Variants in KIRREL1 observed in about 807,000 individuals in gnomAD.
KIRREL1 encodes the protein kirre like nephrin family adhesion molecule 1.
Under a neutral mutation model 83.3 loss-of-function variants are expected in KIRREL1, and 25 were observed. The observed-to-expected ratio is 0.30, with a 90% confidence interval of 0.22 to 0.42. The LOEUF is 0.42. KIRREL1 is among the 10% of genes least tolerant of loss of function. The pLI is 1.00. For missense variants in KIRREL1, 812 were observed against 1,032.3 expected, an observed-to-expected ratio of 0.79 and a Z score of 2.92; for synonymous variants, 388 against 410.4, an observed-to-expected ratio of 0.95 and a Z score of 0.66.
chr1:158,066,271 A>G (rs148075069), intron 1 of KIRREL1, among the ~76,000 whole-genome samples: 2 of 151,290 alleles, frequency 1.3e-5, no homozygotes, highest in Non-Finnish European at 2.9e-5. Flanking sequence ...TTTCCTACCT[A>G]CCTCCAGTCA....
chr1:158,039,195 C>T (rs191056765), intron 1 of KIRREL1, among the ~76,000 whole-genome samples: 2 of 152,308 alleles, frequency 1.3e-5, no homozygotes, highest in Admixed American at 1.3e-4. Flanking sequence ...TCATAAATGC[C>T]TGGACTTTGC....
intron 1 of KIRREL1, among the ~76,000 whole-genome samples, chr1:158,059,700 G>A (rs868520390): frequency 6.6e-6 from 1 of 152,144 alleles, no homozygotes; most frequent in South Asian, 2.1e-4. Flanking sequence ...AGGCAGGGGT[G>A]GGGGCTCAGG....
chr1:158,027,301 C>T (rs1660200851), intron 1 of KIRREL1, among the ~76,000 whole-genome samples: 1 of 152,216 alleles, frequency 6.6e-6, no homozygotes. Context: ...GAATGTGGAG[C>T]TTCCATGCCT....
Position 158,097,165 on chromosome 1 carries a change from G to A in KIRREL1, c.*2045G>A, listed in dbSNP as rs2101653187. 2.3e-6 allele frequency: 1 copy of A among 432,222 alleles called. No individual in the cohort carries two copies. The highest frequency in any genetic ancestry group is 2.0e-5 in the African/African-American group (1 of 49,450). 26.8% of individuals were successfully genotyped at this position (432,222 alleles called of 1,614,324 possible). ...CCCTGGAAGCTGATACCTTTCTATA[G>A]AGTCCTTTTATGAGAGCTCAGTGGG... On this transcript the variant is annotated 3_prime_UTR_variant, in exon 15 of 15. Coordinates refer to ENST00000359209, the MANE Select transcript of KIRREL1 (RefSeq NM_018240.7).
At chr1:158,021,068 C>T (rs183030384) in intron 1 of KIRREL1, among the ~76,000 whole-genome samples, 4 of 152,104 alleles carry the variant, frequency 2.6e-5, no homozygotes, top group Non-Finnish European at 4.4e-5. Flanking sequence ...ATGGTCCCAC[C>T]CTCAGCAGCA....
chr1:158,100,027 AT>A lies in KIRREL1; in HGVS notation c.*4908del, dbSNP rs1325157295. The A allele has an allele frequency of 6.6e-6, 1 of 152,290 alleles. No individual in the cohort carries two copies. Among genetic ancestry groups the A allele is most frequent in the East Asian group, 1.9e-4 (1 of 5,186 alleles). The allele number at this position is 152,290 out of a possible 1,614,324, so 9.4% of individuals were successfully genotyped here. ...AATTTTCTCCACCCAGACCCCAAAA[AT>A]AAATGGATCCATGATGATAATTAAG... is the stretch of plus-strand genomic sequence containing the variant. On this transcript the variant is annotated 3_prime_UTR_variant, in exon 15 of 15. Coordinates refer to ENST00000359209, the MANE Select transcript of KIRREL1 (RefSeq NM_018240.7).
chr1:158,039,929 G>C (rs1176201736), intron 1 of KIRREL1, among the ~76,000 whole-genome samples: 2 of 152,164 alleles, frequency 1.3e-5, no homozygotes, highest in East Asian at 1.9e-4. Flanking sequence ...TGATGTGTTT[G>C]GTTTTTTGTT....
intron 5 of KIRREL1, among the ~76,000 whole-genome samples, chr1:158,086,989 T>A (rs11264909): frequency 0.51 from 76,849 of 152,000 alleles, 22,536 homozygotes; most frequent in East Asian, 0.76. Flanking sequence ...GTCAATGGTT[T>A]ACACTCTCTG....
intron 1 of KIRREL1, among the ~76,000 whole-genome samples, chr1:158,024,693 A>G (rs1449897136): frequency 1.3e-5 from 2 of 152,172 alleles, no homozygotes; most frequent in Non-Finnish European, 2.9e-5. Flanking sequence ...ACCTGAAAAC[A>G]TAACGGTTTA....
chr1:158,044,929 G>C (rs1382393631), intron 1 of KIRREL1, among the ~76,000 whole-genome samples: 1 of 152,204 alleles, frequency 6.6e-6, no homozygotes, highest in Non-Finnish European at 1.5e-5. Flanking sequence ...TTAAGCAAGG[G>C]AAGGGGAATC....
rs144796694 is a variant in KIRREL1 at position 158,019,126 on chromosome 1, A to T, written c.52+25398A>T. On this transcript the variant is annotated intron_variant, in intron 1 of 14. Transcript: ENST00000359209. ...GGAGCAGATCTAAGACCCTCAGCCT[A>T]TAGCGGACACGGAACAAGGGCACAA... Among the ~76,000 whole-genome samples, 8 of 152,296 alleles carry T rather than the reference A, an allele frequency of 5.3e-5. No homozygotes were observed. The East Asian group carries it at 1.5e-3, about 29-fold the overall frequency.
intron 1 of KIRREL1, among the ~76,000 whole-genome samples, chr1:158,040,565 G>A (rs912542687): frequency 6.6e-6 from 1 of 152,242 alleles, no homozygotes; most frequent in Admixed American, 6.5e-5. Context: ...CATTGTCTAG[G>A]AGAATACAAA....
chr1:158,029,370 C>CTGTGT (rs1258028201), intron 1 of KIRREL1, among the ~76,000 whole-genome samples: 3 of 10,454 alleles, frequency 2.9e-4, no homozygotes, highest in Non-Finnish European at 4.6e-4. Context: ...TGTGTGTGCA[C>CTGTGT]GTGCGCGCGC....
At chr1:158,084,139 C>G (rs1661949999) in intron 3 of KIRREL1, among the ~76,000 whole-genome samples, 1 of 151,984 alleles carries the variant, frequency 6.6e-6, no homozygotes, top group Non-Finnish European at 1.5e-5. Context: ...CAAAAACAAA[C>G]AAACAAACAA....
intron 1 of KIRREL1, among the ~76,000 whole-genome samples, chr1:158,064,360 C>T (rs1334449746): frequency 6.6e-6 from 1 of 152,190 alleles, no homozygotes; most frequent in Non-Finnish European, 1.5e-5. Flanking sequence ...CTGTTCTTCC[C>T]CCTTCAGATG....
At chr1:158,061,683 C>A (rs1661219221) in intron 1 of KIRREL1, among the ~76,000 whole-genome samples, 1 of 152,086 alleles carries the variant, frequency 6.6e-6, no homozygotes, top group African/African-American at 2.4e-5. Flanking sequence ...GACAAGTGAG[C>A]AGAGTTGGGT....
At chr1:158,029,285 T>C (rs972029681) in intron 1 of KIRREL1, among the ~76,000 whole-genome samples, 3 of 151,616 alleles carry the variant, frequency 2.0e-5, no homozygotes. Context: ...GACCACAGAG[T>C]GCATCTTCAA....
chr1:158,034,344 A>G (rs996725429), intron 1 of KIRREL1, among the ~76,000 whole-genome samples: 30 of 151,872 alleles, frequency 2.0e-4, no homozygotes, highest in Non-Finnish European at 3.8e-4. Flanking sequence ...TAGATGCCTC[A>G]GTTTCCCATA....
At chr1:158,036,435 A>C (rs1258825536) in intron 1 of KIRREL1, among the ~76,000 whole-genome samples, 1 of 152,210 alleles carries the variant, frequency 6.6e-6, no homozygotes, top group South Asian at 2.1e-4. Flanking sequence ...GGGGACATGC[A>C]TGATGCTTAG....
Sources: gnomAD v4.1 joint callset for allele counts (sites outside exome capture counted in the v4.1 genomes callset) on GRCh38, gnomAD v4.1.1 for gene constraint, MANE v1.5 for transcripts, NCBI Gene and HGNC (gene_info 2026-07-23, HGNC 2026-07-21) for gene names.